KCNK2: variants seen among roughly 807,000 people sequenced by gnomAD.
KCNK2 encodes potassium two pore domain channel subfamily K member 2, also known as potassium channel subfamily K member 2.
In KCNK2, 21 loss-of-function variants were observed where a neutral mutation model predicts 40.5. The observed-to-expected ratio is 0.52, with a 90% CI of 0.37 to 0.75. The LOEUF (loss-of-function observed/expected upper bound fraction) is 0.75, where lower values mean the gene tolerates loss of function less well. KCNK2 is among the 30% of genes least tolerant of loss of function. KCNK2 has a pLI of 0.00. For missense variants in KCNK2, 399 were observed against 531.6 expected (o/e 0.75, Z 2.45); for synonymous variants, 191 against 202.2 (o/e 0.94, Z 0.47).
At chr1:215,218,380 A>C (rs184115239) in intron 6 of KCNK2, among the ~76,000 whole-genome samples, 1 of 152,298 alleles carries the variant, frequency 6.6e-6, no homozygotes, top group African/African-American at 2.4e-5. Context: ...TTACCACCTC[A>C]AATTTAACAT....
chr1:215,201,733 G>T (rs1003165070), intron 6 of KCNK2, among the ~76,000 whole-genome samples: 1 of 152,082 alleles, frequency 6.6e-6, no homozygotes, highest in African/African-American at 2.4e-5. Flanking sequence ...TGGTGTGTTC[G>T]CTTACTGATC....
intron 1 of KCNK2, among the ~76,000 whole-genome samples, chr1:215,063,576 A>G (rs1328337224): frequency 1.3e-5 from 2 of 152,210 alleles, no homozygotes; most frequent in Admixed American, 6.5e-5. Context: ...TAATACCATT[A>G]AATTCTCTGA....
At chr1:215,058,042 A>G (rs995750774) in intron 1 of KCNK2, among the ~76,000 whole-genome samples, 5 of 152,132 alleles carry the variant, frequency 3.3e-5, no homozygotes, top group Admixed American at 3.3e-4. Context: ...AGCCCCAGGA[A>G]TAGGGAGTGG....
At chr1:215,031,148 G>T (rs1312927911) in intron 1 of KCNK2, among the ~76,000 whole-genome samples, 1 of 152,066 alleles carries the variant, frequency 6.6e-6, no homozygotes, top group Non-Finnish European at 1.5e-5. Context: ...TAGCTTTATA[G>T]TAAGTCTTGA....
At chr1:215,133,962 A>AGC (rs1661783798) in intron 3 of KCNK2, among the ~76,000 whole-genome samples, 1 of 152,188 alleles carries the variant, frequency 6.6e-6, no homozygotes, top group Non-Finnish European at 1.5e-5. Flanking sequence ...ATTTTAAAGC[A>AGC]AAAACAACAA....
chr1:215,232,580 G>T (rs1666713617), intron 6 of KCNK2, among the ~76,000 whole-genome samples: 1 of 152,162 alleles, frequency 6.6e-6, no homozygotes, highest in Non-Finnish European at 1.5e-5. Context: ...GAGGTTCTAG[G>T]TGCTGAGGAT....
At chr1:215,206,937 C>A (rs1163122677) in intron 6 of KCNK2, among the ~76,000 whole-genome samples, 1 of 152,154 alleles carries the variant, frequency 6.6e-6, no homozygotes, top group African/African-American at 2.4e-5. Context: ...CTTCTAGAAT[C>A]TCTTGGCTAT....
At chr1:215,230,480 C>T (rs11120525) in intron 6 of KCNK2, among the ~76,000 whole-genome samples, 54,441 of 90,620 alleles carry the variant, frequency 0.6, 13,279 homozygotes, top group Non-Finnish European at 0.63. Flanking sequence ...TATATATATA[C>T]ACACACACAC....
chr1:215,218,588 C>G lies in KCNK2; in HGVS notation c.964-16240C>G, dbSNP rs74898838. Among the ~76,000 whole-genome samples the G allele has an allele frequency of 5.9e-3, 896 of 152,204 alleles. 19 individuals carry two copies. The South Asian group carries it at 0.063, about 11-fold the overall frequency. ...TCCATGAACAAAGCATGTAAATGCT[C>G]TCCTCCATTTTCAGTCTCTATACCA... On this transcript the variant is annotated intron_variant, in intron 6 of 6. Coordinates refer to ENST00000444842, the MANE Select transcript of KCNK2 (RefSeq NM_001017425.3).
At chr1:215,058,385 A>T (rs1294880395) in intron 1 of KCNK2, among the ~76,000 whole-genome samples, 1 of 152,158 alleles carries the variant, frequency 6.6e-6, no homozygotes, top group East Asian at 1.9e-4. Context: ...TTGGAGTTGG[A>T]TATATGCTTT....
intron 1 of KCNK2, among the ~76,000 whole-genome samples, chr1:215,030,959 A>G (rs934641091): frequency 1.3e-5 from 2 of 152,102 alleles, no homozygotes; most frequent in African/African-American, 2.4e-5. Context: ...ATTTTTTTAC[A>G]TGTGGATACT....
At chr1:215,007,011 A>G (rs1185920069) in intron 1 of KCNK2, among the ~76,000 whole-genome samples, 204 of 17,260 alleles carry the variant, frequency 0.012, 10 homozygotes, top group African/African-American at 0.019. Context: ...ATATATATAT[A>G]TATATATATA....
Position 215,236,161 on chromosome 1 carries a change from G to A in KCNK2, c.*1016G>A, listed in dbSNP as rs1385289231. On this transcript the variant is annotated 3_prime_UTR_variant, in exon 7 of 7. Coordinates refer to ENST00000444842, the MANE Select transcript of KCNK2 (RefSeq NM_001017425.3). Reference sequence around the variant, plus strand: ...TATTGGAGGGGATTTAAAACAGTGGGTGTGAATTATCATTCTGATGGAAAG... The same window carrying A: ...TATTGGAGGGGATTTAAAACAGTGGATGTGAATTATCATTCTGATGGAAAG... 1.3e-5 allele frequency: 2 copies of A among 152,264 alleles called. No individual in the cohort carries two copies. The highest frequency in any genetic ancestry group is 3.9e-4 in the East Asian group (2 of 5,192). The allele number at this position is 152,264 out of a possible 1,614,324, so 9.4% of individuals were successfully genotyped here. A position where few individuals can be genotyped will look rare whatever the true frequency, so the allele number is the denominator to read the frequency against.
chr1:215,039,887 C>T (rs571092251), intron 1 of KCNK2, among the ~76,000 whole-genome samples: 5 of 152,036 alleles, frequency 3.3e-5, no homozygotes, highest in Non-Finnish European at 7.4e-5. Context: ...CTTTTCCTAT[C>T]GTTGTTTGTT....
chr1:215,021,568 C>T (rs1183472837), intron 1 of KCNK2, among the ~76,000 whole-genome samples: 4 of 107,032 alleles, frequency 3.7e-5, no homozygotes, highest in East Asian at 3.4e-4. Context: ...TTTTTTGAGA[C>T]GGAATCTCGC....
At chr1:215,216,698 C>T (rs1392249282) in intron 6 of KCNK2, among the ~76,000 whole-genome samples, 1 of 151,934 alleles carries the variant, frequency 6.6e-6, no homozygotes, top group Non-Finnish European at 1.5e-5. Flanking sequence ...CATATCTAAA[C>T]TACTATCATT....
chr1:215,060,260 A>G (rs1658322066), intron 1 of KCNK2, among the ~76,000 whole-genome samples: 1 of 152,140 alleles, frequency 6.6e-6, no homozygotes, highest in South Asian at 2.1e-4. Context: ...TATTGGCCAG[A>G]GGAGTCAAGG....
chr1:215,139,294 C>A (rs1662062925), intron 3 of KCNK2, among the ~76,000 whole-genome samples: 1 of 152,040 alleles, frequency 6.6e-6, no homozygotes, highest in Admixed American at 6.6e-5. Context: ...AGATACATTC[C>A]TTTGTTATAC....
At chr1:215,120,449 G>A (rs1042138070) in intron 2 of KCNK2, among the ~76,000 whole-genome samples, 1 of 152,048 alleles carries the variant, frequency 6.6e-6, no homozygotes, top group East Asian at 1.9e-4. Flanking sequence ...ATAAATGAAC[G>A]TGTTGAAGAA....
Sources: gnomAD v4.1 joint callset for allele counts (sites outside exome capture counted in the v4.1 genomes callset) on GRCh38, gnomAD v4.1.1 for gene constraint, MANE v1.5 for transcripts, NCBI Gene and HGNC (gene_info 2026-07-23, HGNC 2026-07-21) for gene names.